Variants in POU6F2 observed in about 807,000 individuals in gnomAD.
POU6F2 encodes the protein POU class 6 homeobox 2.
Under a neutral mutation model 71.3 loss-of-function variants are expected in POU6F2, and 31 were observed. The ratio of observed to expected loss-of-function variants is 0.43; its 90% CI spans 0.33 to 0.59. POU6F2 has a LOEUF of 0.59. Ranked by LOEUF, POU6F2 falls within the 20% of genes least tolerant of loss-of-function variation. The pLI is 0.04. For missense variants in POU6F2, 783 were observed against 856.8 expected, an observed-to-expected ratio of 0.91 and a Z score of 1.07; for synonymous variants, 347 against 355.7, an observed-to-expected ratio of 0.98 and a Z score of 0.27.
chr7:39,076,809 G>A (rs923314416), intron 1 of POU6F2, among the ~76,000 whole-genome samples: 14 of 152,236 alleles, frequency 9.2e-5, no homozygotes, highest in Admixed American at 6.5e-4. Flanking sequence ...TGGGACTAGA[G>A]AACAGGTCTT....
In POU6F2 at chr7:39,373,644, G is replaced by T. The variant is rs1157452944; in HGVS notation, c.973-32956G>T. The T allele has an allele frequency of 1.3e-4, 54 of 405,942 alleles. 2 individuals carry two copies. The highest frequency in any genetic ancestry group is 9.7e-4 in the South Asian group (53 of 54,908). The allele number at this position is 405,942 out of a possible 1,614,324, so 25.1% of individuals were successfully genotyped here. On this transcript the variant is annotated intron_variant, in intron 5 of 9. Transcript: ENST00000518318. The stretch of plus-strand genomic sequence containing the variant: ...GGAGAAGCAATAATTTTACAAAGAG[G>T]CTGGGAACTGGTCTCCTTATTGAAT...
chr7:39,151,901 C>T (rs1239904038), intron 2 of POU6F2, among the ~76,000 whole-genome samples: 1 of 152,126 alleles, frequency 6.6e-6, no homozygotes, highest in African/African-American at 2.4e-5. Flanking sequence ...ATGACAGTAA[C>T]AAAATGTCTG....
chr7:39,226,650 C>T (rs189955188), intron 4 of POU6F2, among the ~76,000 whole-genome samples: 1 of 152,240 alleles, frequency 6.6e-6, no homozygotes, highest in African/African-American at 2.4e-5. Context: ...CACCAAAAAC[C>T]TAGAACATGT....
Position 39,239,273 on chromosome 7 carries a change from A to G in POU6F2, c.598+31653A>G, listed in dbSNP as rs577676548. ...TCTTCATAGTGCCTCAGTTTCCTCA[A>G]TGTAGAATGGCCAAATGGTTGAGTA... On this transcript the variant is annotated intron_variant, in intron 4 of 9. Coordinates refer to ENST00000518318, the MANE Select transcript of POU6F2 (RefSeq NM_001370959.1). Among the ~76,000 whole-genome samples, 9 of 152,238 alleles carry G rather than the reference A, an allele frequency of 5.9e-5. No individual in the cohort carries two copies. The South Asian group carries it at 1.7e-3, about 28-fold the overall frequency.
chr7:39,026,556 C>T (rs1789807207), intron 1 of POU6F2, among the ~76,000 whole-genome samples: 1 of 151,904 alleles, frequency 6.6e-6, no homozygotes, highest in African/African-American at 2.4e-5. Flanking sequence ...ACAATGAGAA[C>T]ACATGGACAC....
chr7:39,006,185 C>G (rs1358195063), intron 1 of POU6F2, among the ~76,000 whole-genome samples: 1 of 152,036 alleles, frequency 6.6e-6, no homozygotes, highest in Admixed American at 6.6e-5. Flanking sequence ...ACAGTTGGGC[C>G]GGGCGCGGTG....
chr7:39,115,647 C>T (rs1230489216), intron 2 of POU6F2, among the ~76,000 whole-genome samples: 2 of 152,046 alleles, frequency 1.3e-5, no homozygotes, highest in East Asian at 3.9e-4. Flanking sequence ...TCAAAGAAAC[C>T]CCTAACTTGG....
intron 4 of POU6F2, among the ~76,000 whole-genome samples, chr7:39,208,973 T>G (rs1562747677): frequency 6.6e-6 from 1 of 152,138 alleles, no homozygotes; most frequent in Non-Finnish European, 1.5e-5. Context: ...TATTGAATAT[T>G]ATAAATAAAC....
intron 2 of POU6F2, among the ~76,000 whole-genome samples, chr7:39,188,510 G>T (rs144030387): frequency 1.1e-4 from 16 of 152,040 alleles, no homozygotes; most frequent in Admixed American, 3.9e-4. Flanking sequence ...ACAGGGTTTC[G>T]CCATGTTGCC....
intron 4 of POU6F2, among the ~76,000 whole-genome samples, chr7:39,295,330 G>A (rs1049664481): frequency 6.6e-5 from 10 of 152,140 alleles, no homozygotes; most frequent in Admixed American, 5.9e-4. Context: ...GTTGGATATG[G>A]GGAGGCCCAG....
intron 6 of POU6F2, among the ~76,000 whole-genome samples, chr7:39,424,165 AC>A (rs567772009): frequency 3.1e-4 from 47 of 152,190 alleles, no homozygotes; most frequent in African/African-American, 1.0e-3. Context: ...ATCCCATTTG[AC>A]CTAATCACTT....
intron 4 of POU6F2, among the ~76,000 whole-genome samples, chr7:39,218,048 C>T (rs117816691): frequency 0.018 from 2,724 of 152,232 alleles, 51 homozygotes; most frequent in Non-Finnish European, 0.027. Context: ...CCCCAGTTTG[C>T]ACATAATAAG....
intron 1 of POU6F2, among the ~76,000 whole-genome samples, chr7:39,036,469 C>G (rs1790066975): frequency 6.6e-6 from 1 of 151,938 alleles, no homozygotes; most frequent in Non-Finnish European, 1.5e-5. Flanking sequence ...TACATTTATT[C>G]TACATAATAC....
At chr7:39,382,858 G>A (rs1168900059) in intron 5 of POU6F2, among the ~76,000 whole-genome samples, 2 of 152,156 alleles carry the variant, frequency 1.3e-5, no homozygotes, top group Non-Finnish European at 2.9e-5. Context: ...CAGAGAGCCA[G>A]GCAGGTCACA....
At chr7:39,316,607 C>G (rs1785273638) in intron 4 of POU6F2, among the ~76,000 whole-genome samples, 1 of 152,160 alleles carries the variant, frequency 6.6e-6, no homozygotes, top group Non-Finnish European at 1.5e-5. Flanking sequence ...GTGCTATGTT[C>G]CATATAAGAC....
At chr7:38,982,331 C>T (rs1413763298) in intron 1 of POU6F2, among the ~76,000 whole-genome samples, 1 of 152,036 alleles carries the variant, frequency 6.6e-6, no homozygotes, top group Non-Finnish European at 1.5e-5. Context: ...AATACTTTTT[C>T]CCCAAGGTAT....
At chr7:39,127,526 A>C (rs1214604391) in intron 2 of POU6F2, among the ~76,000 whole-genome samples, 1 of 152,234 alleles carries the variant, frequency 6.6e-6, no homozygotes, top group Non-Finnish European at 1.5e-5. Flanking sequence ...GGAGACAGGA[A>C]GAAAGAGATA....
intron 5 of POU6F2, among the ~76,000 whole-genome samples, chr7:39,400,166 T>A (rs899185012): frequency 5.3e-5 from 8 of 152,206 alleles, no homozygotes; most frequent in African/African-American, 1.4e-4. Flanking sequence ...CCAGGTCGAA[T>A]TCTCCTAGAG....
At chr7:39,117,001 T>G (rs1044103925) in intron 2 of POU6F2, among the ~76,000 whole-genome samples, 2 of 152,160 alleles carry the variant, frequency 1.3e-5, no homozygotes, top group African/African-American at 2.4e-5. Flanking sequence ...ACCTTCTTGT[T>G]TGTATGGTGA....
Sources: gnomAD v4.1 joint callset for allele counts (sites outside exome capture counted in the v4.1 genomes callset) on GRCh38, gnomAD v4.1.1 for gene constraint, MANE v1.5 for transcripts, NCBI Gene and HGNC (gene_info 2026-07-23, HGNC 2026-07-21) for gene names.